Variants in RANBP2 observed in about 807,000 individuals in gnomAD.
RANBP2 encodes the protein RAN binding protein 2.
Under a neutral mutation model 303.6 loss-of-function variants are expected in RANBP2, and 57 were observed. The observed-to-expected ratio is 0.19, with a 90% CI of 0.15 to 0.23. The LOEUF (loss-of-function observed/expected upper bound fraction) is 0.23. Ranked by LOEUF, RANBP2 falls within the 10% of genes least tolerant of loss-of-function variation. The pLI, the probability that RANBP2 is intolerant of heterozygous loss-of-function variation, is 1.00. For missense variants in RANBP2, 3,138 were observed against 3,780.8 expected, an observed-to-expected ratio of 0.83 and a Z score of 4.46; for synonymous variants, 1,167 against 1,301.5, an observed-to-expected ratio of 0.90 and a Z score of 2.23.
the RANBP2 span, among the ~76,000 whole-genome samples, chr2:109,217,400 C>A: frequency 6.6e-6 from 1 of 152,192 alleles, no homozygotes; most frequent in Non-Finnish European, 1.5e-5. Context: ...CTGAACATCA[C>A]CCTGATCTTG....
At chr2:108,722,586 CATTT>C (rs1694354238) in intron 1 of RANBP2, among the ~76,000 whole-genome samples, 1 of 150,122 alleles carries the variant, frequency 6.7e-6, no homozygotes, top group African/African-American at 2.5e-5. Flanking sequence ...ATTGTGCTTT[CATTT>C]GTTAGTCTTC....
the RANBP2 span, among the ~76,000 whole-genome samples, chr2:109,447,311 G>A: frequency 2.6e-5 from 4 of 152,030 alleles, no homozygotes; most frequent in African/African-American, 7.3e-5. Flanking sequence ...CTTCACACAC[G>A]GCTGTGTCAG....
the RANBP2 span, among the ~76,000 whole-genome samples, chr2:109,202,081 A>ACAGCTGGCAGGAGGCG: frequency 6.6e-6 from 1 of 152,232 alleles, no homozygotes; most frequent in Admixed American, 6.5e-5. Context: ...GGCAGGAGGC[A>ACAGCTGGCAGGAGGCG]CACAGCCTCC....
At chr2:109,110,736 G>A in the RANBP2 span, among the ~76,000 whole-genome samples, 3 of 152,184 alleles carry the variant, frequency 2.0e-5, no homozygotes. Flanking sequence ...TTTCTCTGGT[G>A]TGGAGCTGTC....
At chr2:109,059,681 G>C in the RANBP2 span, among the ~76,000 whole-genome samples, 2 of 152,118 alleles carry the variant, frequency 1.3e-5, no homozygotes, top group South Asian at 4.1e-4. Context: ...CTGTGGCACT[G>C]TGCCAGCCCC....
intron 6 of RANBP2, among the ~76,000 whole-genome samples, chr2:108,739,995 A>G (rs1695945533): frequency 6.6e-6 from 1 of 152,228 alleles, no homozygotes; most frequent in Non-Finnish European, 1.5e-5. Flanking sequence ...CTCAAAAAAA[A>G]AAAAGGCAGA....
the RANBP2 span, chr2:109,251,348 C>G: frequency 1.8e-6 from 1 of 551,062 alleles, no homozygotes; most frequent in Non-Finnish European, 3.4e-6. Flanking sequence ...GCAAGACACC[C>G]GGCCTGCCGC....
chr2:108,999,476 C>G, the RANBP2 span, among the ~76,000 whole-genome samples: 1 of 152,232 alleles, frequency 6.6e-6, no homozygotes, highest in Middle Eastern at 3.2e-3. Context: ...TCCCACACAT[C>G]TAACTGAGCA....
At chr2:109,418,728 G>A in the RANBP2 span, among the ~76,000 whole-genome samples, 3 of 152,188 alleles carry the variant, frequency 2.0e-5, no homozygotes, top group East Asian at 3.9e-4. Flanking sequence ...ACAGATCTTT[G>A]AGAGGTACAC....
At chr2:109,595,174 C>T in the RANBP2 span, among the ~76,000 whole-genome samples, 1 of 152,084 alleles carries the variant, frequency 6.6e-6, no homozygotes, top group Admixed American at 6.6e-5. Flanking sequence ...GGCCTGAGCC[C>T]CCACGCCCAG....
the RANBP2 span, among the ~76,000 whole-genome samples, chr2:109,267,693 C>T: frequency 1.3e-5 from 2 of 152,224 alleles, no homozygotes; most frequent in Admixed American, 6.5e-5. Flanking sequence ...CCCGTGATCC[C>T]CTTTCCCTTC....
At chr2:108,966,735 C>T in the RANBP2 span, among the ~76,000 whole-genome samples, 1 of 152,202 alleles carries the variant, frequency 6.6e-6, no homozygotes, top group Non-Finnish European at 1.5e-5. Flanking sequence ...AGCTACTGAG[C>T]CCACATGGCC....
the RANBP2 span, among the ~76,000 whole-genome samples, chr2:109,434,847 G>A: frequency 6.6e-6 from 1 of 152,332 alleles, no homozygotes; most frequent in Non-Finnish European, 1.5e-5. Context: ...CTCAATAAAT[G>A]CAGATCGAAT....
At chr2:108,752,152 A>G (rs1675933200) in intron 12 of RANBP2, among the ~76,000 whole-genome samples, 158 bp downstream of exon 12, 1 of 152,142 alleles carries the variant, frequency 6.6e-6, no homozygotes, top group African/African-American at 2.4e-5. Context: ...GTAGTTAAAT[A>G]TAAGCACTTA....
chr2:108,889,539 AAC>A, the RANBP2 span, among the ~76,000 whole-genome samples: 3 of 151,146 alleles, frequency 2.0e-5, 1 homozygote, highest in Non-Finnish European at 4.4e-5. Context: ...ATTATATAAT[AAC>A]CTTTTTTTCT....
chr2:109,510,613 C>A, the RANBP2 span, among the ~76,000 whole-genome samples: 1 of 152,216 alleles, frequency 6.6e-6, no homozygotes, highest in Non-Finnish European at 1.5e-5. Context: ...GGCTTCATTT[C>A]TGTTCCTAGC....
the RANBP2 span, among the ~76,000 whole-genome samples, chr2:108,993,067 C>T: frequency 6.6e-6 from 1 of 152,188 alleles, no homozygotes; most frequent in Non-Finnish European, 1.5e-5. Flanking sequence ...CCTTCCTAGG[C>T]TTGCAAATGT....
chr2:109,071,914 T>C, the RANBP2 span, among the ~76,000 whole-genome samples: 6 of 152,054 alleles, frequency 3.9e-5, no homozygotes, highest in African/African-American at 1.4e-4. Flanking sequence ...GAGATGTCAA[T>C]AGGAGGAAAA....
chr2:109,501,870 C>T, the RANBP2 span: 12 of 555,536 alleles, frequency 2.2e-5, no homozygotes, highest in African/African-American at 7.5e-5. Context: ...GGAGAGCACA[C>T]CTGGGATGTT....
Sources: gnomAD v4.1 joint callset for allele counts (sites outside exome capture counted in the v4.1 genomes callset) on GRCh38, gnomAD v4.1.1 for gene constraint, MANE v1.5 for transcripts, NCBI Gene and HGNC (gene_info 2026-07-23, HGNC 2026-07-21) for gene names.